Variants in ROBO2 observed in about 807,000 individuals in gnomAD.
ROBO2 encodes roundabout homolog 2.
In ROBO2, 53 loss-of-function variants were observed where a neutral mutation model predicts 160.8. The observed-to-expected ratio is 0.33, with a 90% confidence interval of 0.26 to 0.41. ROBO2 has a LOEUF of 0.41. Among genes scored for constraint, ROBO2 ranks in the 10% least tolerant of loss-of-function variants. ROBO2 has a pLI of 1.00. For missense variants in ROBO2, 1,577 were observed against 1,722.4 expected (o/e 0.92, Z 1.49); for synonymous variants, 664 against 611.7 (o/e 1.09, Z -1.26).
intron 2 of ROBO2, among the ~76,000 whole-genome samples, chr3:77,003,791 C>G (rs913290972): frequency 2.6e-5 from 4 of 152,066 alleles, no homozygotes; most frequent in African/African-American, 9.7e-5. Context: ...GTCAGGTGAT[C>G]CACCTGACTC....
intron 2 of ROBO2, among the ~76,000 whole-genome samples, chr3:76,129,210 T>C (rs2071126484): frequency 6.6e-6 from 1 of 152,104 alleles, no homozygotes; most frequent in Non-Finnish European, 1.5e-5. Context: ...GTTTGAGTGA[T>C]GTGAAAAATA....
chr3:76,681,868 C>A (rs2092572745), intron 2 of ROBO2, among the ~76,000 whole-genome samples: 1 of 151,924 alleles, frequency 6.6e-6, no homozygotes, highest in Admixed American at 6.6e-5. Context: ...TAGGCAAGGG[C>A]TAGATTATTT....
intron 2 of ROBO2, among the ~76,000 whole-genome samples, chr3:76,696,474 C>G (rs764365624): frequency 6.6e-6 from 1 of 151,588 alleles, no homozygotes; most frequent in African/African-American, 2.4e-5. Flanking sequence ...ATTGCTGGCT[C>G]GAATGCCTGG....
chr3:77,213,895 A>G (rs562695785), intron 2 of ROBO2, among the ~76,000 whole-genome samples: 14 of 152,002 alleles, frequency 9.2e-5, no homozygotes, highest in Admixed American at 2.6e-4. Context: ...GGTTTTGAGT[A>G]AGTTTCTTAA....
Position 76,073,751 on chromosome 3 carries a change from TG to T in ROBO2, c.109+136151del, listed in dbSNP as rs2068552846. On this transcript the variant is annotated intron_variant, in intron 2 of 26. Transcript: ENST00000487694. ...AGCTTTGAATTTATGTCAAGAGTCC[TG>T]GTAGATAGAAAATTAAGAGTCTTTG... Among the ~76,000 whole-genome samples the T allele has an allele frequency of 7.3e-5, 11 of 151,554 alleles. No individual in the cohort carries two copies. In the South Asian group the frequency reaches 2.3e-3, roughly 32 times the overall value.
chr3:76,754,532 G>A (rs572230824), intron 2 of ROBO2, among the ~76,000 whole-genome samples: 1 of 151,956 alleles, frequency 6.6e-6, no homozygotes, highest in African/African-American at 2.4e-5. Context: ...TAAATCACAT[G>A]CCTTATGATG....
chr3:76,607,864 C>A lies in ROBO2; in HGVS notation c.110-490150C>A, dbSNP rs536382157. Among the ~76,000 whole-genome samples, 35 of 152,298 alleles carry A rather than the reference C, an allele frequency of 2.3e-4. 1 individual carries two copies. Among genetic ancestry groups the A allele is most frequent in the Middle Eastern group, 3.4e-3 (1 of 294 alleles). ...CACTCAAAAATCTTTCAAATCTATT[C>A]TCTTCTTCCCACCCACACTGTATAG... is the stretch of plus-strand genomic sequence containing the variant. On this transcript the variant is annotated intron_variant, in intron 2 of 26. Coordinates refer to the ROBO2 transcript ENST00000487694.
At chr3:77,572,561 G>T (rs1179600010) in intron 13 of ROBO2, among the ~76,000 whole-genome samples, 1 of 151,406 alleles carries the variant, frequency 6.6e-6, no homozygotes, top group Non-Finnish European at 1.5e-5. Flanking sequence ...TTGAGGGTGA[G>T]AAAGCTTTCA....
intron 2 of ROBO2, among the ~76,000 whole-genome samples, chr3:76,983,930 G>A (rs192855475): frequency 2.0e-3 from 303 of 152,326 alleles, no homozygotes; most frequent in Middle Eastern, 0.014. Flanking sequence ...GCAGTTCTGC[G>A]TGGCTAGGGA....
chr3:75,921,671 G>A (rs534704297), intron 1 of ROBO2, among the ~76,000 whole-genome samples: 56 of 152,252 alleles, frequency 3.7e-4, no homozygotes, highest in African/African-American at 1.3e-3. Context: ...ACACAAGTGT[G>A]TAAATAATGT....
intron 2 of ROBO2, among the ~76,000 whole-genome samples, chr3:76,208,917 T>C (rs1404608815): frequency 6.6e-6 from 1 of 152,162 alleles, no homozygotes; most frequent in Non-Finnish European, 1.5e-5. Flanking sequence ...TTTGGTTTCT[T>C]GGCTCCTTCT....
At chr3:77,289,461 T>A (rs565306454) in intron 2 of ROBO2, among the ~76,000 whole-genome samples, 10 of 148,406 alleles carry the variant, frequency 6.7e-5, no homozygotes, top group Non-Finnish European at 6.0e-5. Flanking sequence ...GATGGTTAAA[T>A]GGGAAGTTGA....
chr3:77,317,616 C>T, intron 2 of ROBO2: 1 of 965,720 alleles, frequency 1.0e-6, no homozygotes, highest in Non-Finnish European at 1.5e-6. Flanking sequence ...GTCTTCTGCT[C>T]AAAGGTGGCG....
At chr3:76,001,593 A>C (rs1164335749) in intron 2 of ROBO2, among the ~76,000 whole-genome samples, 2 of 152,094 alleles carry the variant, frequency 1.3e-5, no homozygotes, top group African/African-American at 4.8e-5. Flanking sequence ...GCTGCAGTGC[A>C]GTGGTGCAAT....
intron 2 of ROBO2, among the ~76,000 whole-genome samples, chr3:75,953,263 C>T (rs1948614115): frequency 6.6e-6 from 1 of 151,932 alleles, no homozygotes; most frequent in Admixed American, 6.6e-5. Context: ...TACTTGCCAA[C>T]ATTTGGTATT....
chr3:77,345,543 C>T (rs2067539696), intron 2 of ROBO2, among the ~76,000 whole-genome samples: 3 of 152,064 alleles, frequency 2.0e-5, no homozygotes, highest in Non-Finnish European at 4.4e-5. Flanking sequence ...TTGATGCCCC[C>T]TCCCCAAAAT....
chr3:76,291,613 A>G (rs2107704897), intron 2 of ROBO2, among the ~76,000 whole-genome samples: 1 of 152,008 alleles, frequency 6.6e-6, no homozygotes, highest in East Asian at 1.9e-4. Context: ...AGGCGATGTT[A>G]GGTTGGTTGT....
In ROBO2 at chr3:75,939,851, C is replaced by A. The variant is rs532205433; in HGVS notation, c.109+2249C>A. ...ACTAAATATCTTTTAAAATACAAAT[C>A]TCATAGCTCCTTATTATTGTCAAGA... On this transcript the variant is annotated intron_variant, in intron 2 of 26. Coordinates refer to the ROBO2 transcript ENST00000487694. Among the ~76,000 whole-genome samples the A allele has an allele frequency of 5.5e-4, 83 of 151,898 alleles. 2 individuals carry two copies. The highest frequency in any genetic ancestry group is 2.4e-4 in the Non-Finnish European group (16 of 67,946).
At chr3:76,266,243 G>T (rs950316036) in intron 2 of ROBO2, among the ~76,000 whole-genome samples, 15 of 151,996 alleles carry the variant, frequency 9.9e-5, no homozygotes, top group African/African-American at 3.6e-4. Flanking sequence ...TAATGTAAAT[G>T]CAATTTTTAA....
Sources: gnomAD v4.1 joint callset for allele counts (sites outside exome capture counted in the v4.1 genomes callset) on GRCh38, gnomAD v4.1.1 for gene constraint, MANE v1.5 for transcripts, NCBI Gene and HGNC (gene_info 2026-07-23, HGNC 2026-07-21) for gene names.